The following BICRA variants were observed in gnomAD, a reference collection of about 807,000 sequenced individuals.
BICRA encodes the protein BRD4-interacting chromatin-remodeling complex-associated protein.
Under a neutral mutation model 96.9 loss-of-function variants are expected in BICRA, and 31 were observed. The ratio of observed to expected loss-of-function variants is 0.32; its 90% CI spans 0.24 to 0.43. BICRA has a LOEUF of 0.43. BICRA is among the 20% of genes least tolerant of loss of function. The pLI, the probability that BICRA is intolerant of heterozygous loss-of-function variation, is 1.00. For synonymous variants in BICRA, 1,350 were observed against 1,071.8 expected, an observed-to-expected ratio of 1.26 and a Z score of -5.07; for missense variants, 2,283 against 2,190.3, an observed-to-expected ratio of 1.04 and a Z score of -0.84.
intron 1 of BICRA, among the ~76,000 whole-genome samples, chr19:47,612,475 G>C (rs1319645007): frequency 6.6e-6 from 1 of 151,944 alleles, no homozygotes; most frequent in Non-Finnish European, 1.5e-5. Context: ...CTTTGCCCCA[G>C]AAGAATTCCC....
At chr19:47,695,342 T>TCCGCCCCCCCC in intron 9 of BICRA, 23 bp from the exon 10 acceptor site, 1 of 630,200 alleles carries the variant, frequency 1.6e-6, no homozygotes, top group Admixed American at 2.9e-5. Context: ...AGGCCCTGTC[T>TCCGCCCCCCCC]CCCCCACCCC....
intron 1 of BICRA, among the ~76,000 whole-genome samples, chr19:47,637,150 C>T (rs547305727): frequency 9.2e-5 from 14 of 151,826 alleles, no homozygotes; most frequent in South Asian, 4.2e-4. Context: ...GAGGGAGTCT[C>T]GCTCTGTCAC....
In BICRA at chr19:47,701,429, G is replaced by T; in HGVS notation, c.3697G>T (p.Gly1233Trp). ...GHGPLSSSAP[G>W]ASTQPPPHLP... ...CGGCCCCCTGTCGTCTTCAGCTCCC[G>T]GGGCCTCCACCCAGCCCCCTCCACA... Residue 1233 changes from glycine to tryptophan, a missense_variant, in exon 15 of 15, where the codon GGG becomes TGG. Physicochemically the swap from Gly to Trp is radical, Grantham distance 184. Coordinates refer to ENST00000594866, the MANE Select transcript of BICRA (RefSeq NM_001394372.1). This position sits in a 1 kb window ranked among gnomAD's most constrained non-coding sequence, Gnocchi z 5.4. The T allele has an allele frequency of 6.3e-7, 1 of 1,580,402 alleles. No individual in the cohort carries two copies. Among genetic ancestry groups the T allele is most frequent in the South Asian group, 1.1e-5 (1 of 87,158 alleles).
chr19:47,701,298 C>T lies in BICRA; in HGVS notation c.3596-30C>T, dbSNP rs769619218. The T allele has an allele frequency of 7.6e-6, 12 of 1,568,694 alleles. No individual in the cohort carries two copies. The highest frequency in any genetic ancestry group is 5.4e-5 in the African/African-American group (4 of 74,312). Reference sequence around the variant, plus strand: ...CGGTCGGGGGGTCCTCATCCTAACCCCGCGGGTTTTCTTTGCCCCGATTCT... The same window carrying T: ...CGGTCGGGGGGTCCTCATCCTAACCTCGCGGGTTTTCTTTGCCCCGATTCT... On this transcript the variant is annotated intron_variant, in intron 14 of 14. Transcript: ENST00000594866. This position sits in a 1 kb window ranked among gnomAD's most constrained non-coding sequence, Gnocchi z 5.4.
chr19:47,679,201 G>A (rs1972987249), intron 5 of BICRA, 120 bp from the exon 6 acceptor site: 4 of 614,250 alleles, frequency 6.5e-6, no homozygotes, highest in Non-Finnish European at 1.0e-5. Flanking sequence ...ATGCCAGGAG[G>A]GAATGTTCTT....
intron 7 of BICRA, among the ~76,000 whole-genome samples, chr19:47,690,050 G>A (rs868660894): frequency 6.6e-6 from 1 of 152,122 alleles, no homozygotes; most frequent in South Asian, 2.1e-4. Context: ...TGCCCAGGCT[G>A]GAGTGCAATG....
In BICRA at chr19:47,626,863, A is replaced by C. The variant is rs1276607738; in HGVS notation, c.-108+17695A>C. On this transcript the variant is annotated intron_variant, in intron 1 of 14. Transcript: ENST00000594866. ...CAGCCTCTGGAGCAGCTGGGATTAC[A>C]GGCGCCCACCACCACACCCAGCTAA... 1.3e-5 allele frequency among the ~76,000 whole-genome samples: 2 copies of C among 151,370 alleles called. 1 individual carries two copies. Among genetic ancestry groups the C allele is most frequent in the Non-Finnish European group, 2.9e-5 (2 of 67,868 alleles).
intron 5 of BICRA, among the ~76,000 whole-genome samples, chr19:47,676,883 G>A (rs544146819): frequency 1.4e-4 from 21 of 151,964 alleles, no homozygotes; most frequent in African/African-American, 4.8e-4. Context: ...CCCCATTCAG[G>A]TTCTAAACAC....
intron 5 of BICRA, 120 bp downstream of exon 5, chr19:47,676,036 CG>C: frequency 3.9e-6 from 1 of 254,656 alleles, no homozygotes. Context: ...AGGAGGAGGG[CG>C]GGGGTGGGCC....
In BICRA at chr19:47,636,596, C is replaced by G. The variant is rs531634236; in HGVS notation, c.-108+27428C>G. On this transcript the variant is annotated intron_variant, in intron 1 of 14. Transcript: ENST00000594866. ...GATCTCAGCTCAGTGCAACCTCTGC[C>G]TCTCAGGTTCCAGCGATTCTCCTGC... 9.6e-4 allele frequency among the ~76,000 whole-genome samples: 146 copies of G among 152,232 alleles called. 1 individual carries two copies. Among genetic ancestry groups the G allele is most frequent in the Admixed American group, 4.0e-3 (61 of 15,274 alleles).
chr19:47,658,757 G>A (rs746047317), intron 1 of BICRA, among the ~76,000 whole-genome samples: 21 of 151,956 alleles, frequency 1.4e-4, no homozygotes, highest in Non-Finnish European at 2.2e-4. Flanking sequence ...AGGCCGCACC[G>A]GGACCTGCCG....
chr19:47,702,537 T>C lies in BICRA; in HGVS notation c.*122T>C, dbSNP rs1257793143. On this transcript the variant is annotated 3_prime_UTR_variant, in exon 15 of 15. Coordinates refer to ENST00000594866, the MANE Select transcript of BICRA (RefSeq NM_001394372.1). ...CCCTGACGGTTTTTCTTGCCTAAGT[T>C]ATTTGAGTCACAAAGGCCTCCTTCC... 1.7e-6 allele frequency: 2 copies of C among 1,191,410 alleles called. No homozygotes were observed. Among genetic ancestry groups the C allele is most frequent in the Middle Eastern group, 2.9e-4 (1 of 3,428 alleles). 73.8% of individuals were successfully genotyped at this position (1,191,410 alleles called of 1,614,324 possible).
chr19:47,663,244 C>T (rs148534970), intron 1 of BICRA: 22,278 of 152,080 alleles, frequency 0.15, 1,678 homozygotes, highest in South Asian at 0.2. Context: ...AAAAATTAGC[C>T]GGGTGTGGTG....
chr19:47,682,735 G>A (rs1028777933), intron 7 of BICRA, among the ~76,000 whole-genome samples: 8 of 150,740 alleles, frequency 5.3e-5, no homozygotes, highest in Non-Finnish European at 1.2e-4. Flanking sequence ...GCAGTGGCGC[G>A]ATCTTGGCTC....
chr19:47,632,335 G>GTTCCA (rs1972233177), intron 1 of BICRA, among the ~76,000 whole-genome samples: 1 of 152,260 alleles, frequency 6.6e-6, no homozygotes. Flanking sequence ...TGCCAGGCCT[G>GTTCCA]TGCCGGACTC....
chr19:47,646,939 A>G (rs1972468568), intron 1 of BICRA, among the ~76,000 whole-genome samples: 1 of 152,144 alleles, frequency 6.6e-6, no homozygotes, highest in Non-Finnish European at 1.5e-5. Context: ...TCCCTTAGCC[A>G]TCATCCCCAC....
At chr19:47,621,433 A>G (rs189967075) in intron 1 of BICRA, among the ~76,000 whole-genome samples, 1 of 147,076 alleles carries the variant, frequency 6.8e-6, no homozygotes, top group Admixed American at 6.8e-5. Flanking sequence ...GTCCCCTTCC[A>G]TGGTCCTGCT....
chr19:47,646,263 CACAGTGTGGACA>C (rs1226338580), intron 1 of BICRA, among the ~76,000 whole-genome samples: 1 of 152,186 alleles, frequency 6.6e-6, no homozygotes, highest in Non-Finnish European at 1.5e-5. Context: ...ATTTCTGCCT[CACAGTGTGGACA>C]CCAGGGTCCT....
At chr19:47,631,104 A>G (rs555568325) in intron 1 of BICRA, among the ~76,000 whole-genome samples, 1 of 152,218 alleles carries the variant, frequency 6.6e-6, no homozygotes, top group South Asian at 2.1e-4. Flanking sequence ...TCTTTTGCCC[A>G]TTCTGGAGTG....
Sources: allele counts gnomAD v4.1 joint callset (sites outside exome capture counted in the v4.1 genomes callset), GRCh38; gene constraint gnomAD v4.1.1; non-coding constraint Gnocchi (gnomAD v3.1); transcripts MANE v1.5; gene names NCBI Gene and HGNC (gene_info 2026-07-23, HGNC 2026-07-21).